The following TREM2 variants were observed in gnomAD, a reference collection of about 807,000 sequenced individuals.
TREM2 encodes the protein triggering receptor expressed on monocytes 2.
Under a neutral mutation model 22.9 loss-of-function variants are expected in TREM2, and 20 were observed. The observed-to-expected ratio is 0.87, with a 90% CI of 0.61 to 1.27. The LOEUF (loss-of-function observed/expected upper bound fraction) is 1.27. TREM2 is among the 50% of genes most tolerant of loss of function. The pLI is 0.00. For missense variants in TREM2, 267 were observed against 289.0 expected (o/e 0.92, Z 0.55); for synonymous variants, 111 against 120.9 (o/e 0.92, Z 0.54).
intron 1 of TREM2, among the ~76,000 whole-genome samples, 183 bp from the exon 2 acceptor site, chr6:41,161,796 G>T (rs1765574890): frequency 1.3e-5 from 2 of 152,228 alleles, no homozygotes; most frequent in African/African-American, 2.4e-5. Context: ...TGGGACCTGG[G>T]TTTGGTTTTC....
At chr6:41,159,545 A>T (rs955148440) in intron 3 of TREM2, among the ~76,000 whole-genome samples, 5 of 152,182 alleles carry the variant, frequency 3.3e-5, no homozygotes, top group African/African-American at 4.8e-5. Context: ...GATATTCAGG[A>T]GTCGTAGAGC....
Position 41,163,076 on chromosome 6 carries a change from G to A in TREM2, c.7C>T (p.Pro3Ser). 6.2e-7 allele frequency: 1 copy of A among 1,614,150 alleles called. No homozygotes were observed. The highest frequency in any genetic ancestry group is 1.7e-5 in the Admixed American group (1 of 60,034). The change falls in exon 1 of 5, where the codon CCT becomes TCT. Residue 3 changes from proline (P) to serine (S), a missense_variant. By Grantham distance (74) the Pro-to-Ser change is moderately conservative. Coordinates refer to ENST00000373113, the MANE Select transcript of TREM2 (RefSeq NM_018965.4). ...AAGAGTAAGATGAGCAGCCGGAGAG[G>A]CTCCATGCCACCCTTCCCCAGCCAA... The part of the protein sequence containing the change: ME[P>S]LRLLILLFVT...
chr6:41,161,364 A>G lies in TREM2; in HGVS notation c.290T>C (p.Leu97Pro), dbSNP rs1311610930. The change falls in exon 2 of 5, where the codon CTG becomes CCG. Residue 97 changes from leucine (L) to proline (P), a missense_variant. Transcript: ENST00000373113. ...DTLGGTLTIT[L>P]RNLQPHDAGL... ...CGCATCATGGGGTTGTAGATTCCGC[A>G]GCGTAATGGTGAGAGTGCCACCCAG... The G allele has an allele frequency of 3.1e-6, 5 of 1,614,106 alleles. No individual in the cohort carries two copies. The Admixed American group carries it at 6.7e-5, about 22-fold the overall frequency.
At position 41,161,366 on chromosome 6, in the gene TREM2, C is replaced by G; in HGVS notation, c.288G>C (p.Thr96=). 6.2e-7 allele frequency: 1 copy of G among 1,614,234 alleles called. No homozygotes were observed. The highest frequency in any genetic ancestry group is 8.5e-7 in the Non-Finnish European group (1 of 1,180,038). ...CATCATGGGGTTGTAGATTCCGCAG[C>G]GTAATGGTGAGAGTGCCACCCAGGG... ...DDTLGGTLTI[T]LRNLQPHDAG... is the part of the protein sequence containing the mutation. The change falls in exon 2 of 5, where the codon ACG becomes ACC. Residue 96 remains threonine, a synonymous_variant. Coordinates refer to ENST00000373113, the MANE Select transcript of TREM2 (RefSeq NM_018965.4).
Position 41,158,519 on chromosome 6 carries a change from A to T in TREM2, c.*245T>A. On this transcript the variant is annotated 3_prime_UTR_variant, in exon 5 of 5. Coordinates refer to ENST00000373113, the MANE Select transcript of TREM2 (RefSeq NM_018965.4). ...GATGCCCAAAACTATCCAGCTAAAT[A>T]TGACAGTCTTGGATTTATTTGTAAG... 7.4e-7 allele frequency: 1 copy of T among 1,354,026 alleles called. No individual in the cohort carries two copies. The highest frequency in any genetic ancestry group is 1.0e-6 in the Non-Finnish European group (1 of 999,016). The allele number at this position is 1,354,026 out of a possible 1,614,324, so 83.9% of individuals were successfully genotyped here. A position where few individuals can be genotyped will look rare whatever the true frequency, so the allele number is the denominator to read the frequency against.
chr6:41,158,833 T>C (rs201557185), intron 4 of TREM2, 40 bp downstream of exon 4: 2 of 1,614,210 alleles, frequency 1.2e-6, no homozygotes, highest in Admixed American at 3.3e-5. Flanking sequence ...CTCCCATCCC[T>C]GCCCAGTCCA....
chr6:41,159,141 G>T, intron 3 of TREM2, 75 bp from the exon 4 acceptor site: 1 of 1,538,626 alleles, frequency 6.5e-7, no homozygotes, highest in South Asian at 1.2e-5. Flanking sequence ...GGAATGGGGA[G>T]AAACCAGGAG....
chr6:41,162,928 G>A, intron 1 of TREM2, 115 bp downstream of exon 1: 2 of 1,362,932 alleles, frequency 1.5e-6, no homozygotes, highest in Non-Finnish European at 2.1e-6. Context: ...GGGCACTCAG[G>A]CATGCGAGGA....
chr6:41,159,888 G>T lies in TREM2; in HGVS notation c.392-6C>A, dbSNP rs760843237. Reference sequence around the variant, plus strand: ...ATCCCGGTGATCCAGGGGGTCTATGGGAGGCAGAGCCATGAGCCTCCAGCC... The same window carrying T: ...ATCCCGGTGATCCAGGGGGTCTATGTGAGGCAGAGCCATGAGCCTCCAGCC... On this transcript the variant is annotated splice_region_variant and splice_polypyrimidine_tract_variant and intron_variant, in intron 2 of 4. Coordinates refer to ENST00000373113, the MANE Select transcript of TREM2 (RefSeq NM_018965.4). The T allele has an allele frequency of 6.2e-7, 1 of 1,613,376 alleles. No individual in the cohort carries two copies. Among genetic ancestry groups the T allele is most frequent in the South Asian group, 1.1e-5 (1 of 91,042 alleles).
chr6:41,159,672 G>A, intron 3 of TREM2, 120 bp downstream of exon 3: 4 of 821,564 alleles, frequency 4.9e-6, no homozygotes, highest in South Asian at 2.8e-5. Context: ...GAGATATCCA[G>A]GGCCCTTCAG....
rs1270474102 is a variant in TREM2, at chr6:41,158,872, C to T, written c.676+1G>A. The T allele has an allele frequency of 2.5e-6, 4 of 1,614,106 alleles. No individual in the cohort carries two copies. Among genetic ancestry groups the T allele is most frequent in the Non-Finnish European group, 3.4e-6 (4 of 1,180,034 alleles). On this transcript the variant is annotated splice_donor_variant, in intron 4 of 4. Coordinates refer to ENST00000373113, the MANE Select transcript of TREM2 (RefSeq NM_018965.4). LOFTEE classifies it high-confidence loss of function. ...TTGATGGCTGTGCTCTCCAAGCCCA[C>T]CTGGCAGAGTTTGGAGCTGATACCC...
At chr6:41,160,839 G>T (rs1046188410) in intron 2 of TREM2, among the ~76,000 whole-genome samples, 1 of 152,190 alleles carries the variant, frequency 6.6e-6, no homozygotes, top group Non-Finnish European at 1.5e-5. Flanking sequence ...CTTCACTTAC[G>T]TTGATAGGGC....
At chr6:41,162,663 C>T (rs939451159) in intron 1 of TREM2, among the ~76,000 whole-genome samples, 1 of 152,094 alleles carries the variant, frequency 6.6e-6, no homozygotes, top group Non-Finnish European at 1.5e-5. Context: ...TCCTTTATAA[C>T]TGTAGGGGCT....
chr6:41,161,470 G>A lies in TREM2; in HGVS notation c.184C>T (p.Arg62Cys), dbSNP rs201258314. The A allele has an allele frequency of 6.5e-5, 105 of 1,614,106 alleles. No individual in the cohort carries two copies. The highest frequency in any genetic ancestry group is 7.7e-5 in the Non-Finnish European group (91 of 1,180,050). ...CACAAGTTGTGCGTGCTGACCACAC[G>A]CTGGCATGGGCCCTTCTCTCCCAGC... The part of the protein sequence containing the change: ...RQLGEKGPCQ[R>C]VVSTHNLWLL... The change falls in exon 2 of 5, where the codon CGT (arginine) becomes TGT (cysteine). Residue 62 changes from arginine to cysteine, a missense_variant. Transcript: ENST00000373113.
In TREM2 at chr6:41,158,794, A is replaced by G. The variant is rs1765482961; in HGVS notation, c.677-14T>C. The G allele has an allele frequency of 3.7e-6, 6 of 1,614,076 alleles. No homozygotes were observed. The highest frequency in any genetic ancestry group is 1.3e-5 in the African/African-American group (1 of 74,928). On this transcript the variant is annotated splice_polypyrimidine_tract_variant and intron_variant, in intron 4 of 4. Transcript: ENST00000373113. ...TGTCTCTCAGCCCTGCAATAGTCCA[A>G]GGACTCATGTGGCCCCTCTCGGCAC... is the stretch of plus-strand genomic sequence containing the variant.
Position 41,159,010 on chromosome 6 carries a change from G to A in TREM2, c.539C>T (p.Ala180Val), listed in dbSNP as rs751726815. The A allele has an allele frequency of 6.2e-7, 1 of 1,614,206 alleles. No individual in the cohort carries two copies. The highest frequency in any genetic ancestry group is 2.2e-5 in the East Asian group (1 of 44,878). ...TAGAATCTTGATGAGAAAGATGCAG[G>A]CCAGGAGGAGAAGGATGGAAGTGGG... is the stretch of plus-strand genomic sequence containing the variant. ...FPPTSILLLL[A>V]CIFLIKILAA... Residue 180 changes from alanine (A) to valine (V), a missense_variant, in exon 4 of 5, where the codon GCC (alanine) becomes GTC (valine). Transcript: ENST00000373113.
chr6:41,159,875 C>A lies in TREM2; in HGVS notation c.399G>T (p.Leu133=), dbSNP rs144250872. The change falls in exon 3 of 5, where the codon CTG becomes CTT. Residue 133 remains leucine (L), a synonymous_variant. Transcript: ENST00000373113. Reference sequence around the variant, plus strand: ...AGAGATCTCCAGCATCCCGGTGATCCAGGGGGTCTATGGGAGGCAGAGCCA... The same window carrying A: ...AGAGATCTCCAGCATCCCGGTGATCAAGGGGGTCTATGGGAGGCAGAGCCA... ...KVLVEVLADP[L]DHRDAGDLWF... is the part of the protein sequence containing the mutation. 1.2e-3 allele frequency: 1,863 copies of A among 1,613,784 alleles called. 3 individuals are homozygous for A. The highest frequency in any genetic ancestry group is 1.5e-3 in the Non-Finnish European group (1,775 of 1,179,932).
rs578089722 is a variant in TREM2 at position 41,161,585 on chromosome 6, C to T, written c.69G>A (p.Val23=). 1.2e-6 allele frequency: 2 copies of T among 1,614,096 alleles called. No homozygotes were observed. Among genetic ancestry groups the T allele is most frequent in the African/African-American group, 1.3e-5 (1 of 75,064 alleles). The stretch of plus-strand genomic sequence containing the variant: ...GGGACTGGCCCGCCACGCCCTGGAA[C>T]ACTGTGGTGTTGTGGGCTCCGGACA... ...TELSGAHNTT[V]FQGVAGQSLQ... Residue 23 remains valine (V), a synonymous_variant, in exon 2 of 5, where the codon GTG becomes GTA. Coordinates refer to ENST00000373113, the MANE Select transcript of TREM2 (RefSeq NM_018965.4).
chr6:41,159,275 A>C (rs1161663838), intron 3 of TREM2, among the ~76,000 whole-genome samples: 2 of 152,174 alleles, frequency 1.3e-5, no homozygotes, highest in Non-Finnish European at 2.9e-5. Context: ...TGCTGAGTGC[A>C]CTTAAACACA....
Sources: allele counts gnomAD v4.1 joint callset (sites outside exome capture counted in the v4.1 genomes callset), GRCh38; gene constraint gnomAD v4.1.1; transcripts MANE v1.5; gene names NCBI Gene and HGNC (gene_info 2026-07-23, HGNC 2026-07-21).